The following NKAIN3 variants were observed in gnomAD, a reference collection of about 807,000 sequenced individuals.
NKAIN3 encodes the protein sodium/potassium transporting ATPase interacting 3.
A neutral mutation model predicts 30.2 loss-of-function variants in NKAIN3; 25 were observed. The observed-to-expected ratio is 0.83, with a 90% CI of 0.60 to 1.16. NKAIN3 has a LOEUF of 1.16. Among genes scored for constraint, NKAIN3 ranks in the 50% most tolerant of loss-of-function variants. NKAIN3 has a pLI of 0.00. For synonymous variants in NKAIN3, 91 were observed against 89.6 expected, an observed-to-expected ratio of 1.02 and a Z score of -0.09; for missense variants, 225 against 254.1, an observed-to-expected ratio of 0.89 and a Z score of 0.78.
At chr8:62,988,941 A>G (rs1398105346), downstream of NKAIN3, among the ~76,000 whole-genome samples, 1 of 152,140 alleles carries the variant, frequency 6.6e-6, no homozygotes, top group Non-Finnish European at 1.5e-5. Context: ...CAGATATGCT[A>G]AATCATCTCT....
At chr8:62,631,237 A>G (rs959099122) in intron 3 of NKAIN3, among the ~76,000 whole-genome samples, 1 of 152,068 alleles carries the variant, frequency 6.6e-6, no homozygotes, top group African/African-American at 2.4e-5. Context: ...TGACTTCCAC[A>G]CCAGTGTTTC....
chr8:62,620,444 G>A (rs1169183358), intron 3 of NKAIN3, among the ~76,000 whole-genome samples: 1 of 151,990 alleles, frequency 6.6e-6, no homozygotes, highest in Non-Finnish European at 1.5e-5. Context: ...GCCATATTTG[G>A]GGGTAGTGTG....
At chr8:62,619,344 A>G (rs762862767) in intron 3 of NKAIN3, among the ~76,000 whole-genome samples, 2 of 152,210 alleles carry the variant, frequency 1.3e-5, no homozygotes, top group Non-Finnish European at 2.9e-5. Flanking sequence ...ATTCTCTCTG[A>G]AGCCTGTTAC....
intron 4 of NKAIN3, among the ~76,000 whole-genome samples, chr8:62,895,020 AAAGTAGGTTTTAAGGTTTT>A (rs1433976178): frequency 2.0e-5 from 3 of 152,224 alleles, no homozygotes; most frequent in African/African-American, 7.2e-5. Flanking sequence ...GCTTAAGCCT[AAAGTAGGTTTTAAGGTTTT>A]AAGTAGGTTT....
intron 1 of NKAIN3, among the ~76,000 whole-genome samples, chr8:62,425,743 G>T (rs1159944146): frequency 6.6e-6 from 1 of 151,898 alleles, no homozygotes; most frequent in Non-Finnish European, 1.5e-5. Context: ...TGATGCAGTG[G>T]TTATCTTAGA....
chr8:62,418,445 C>T (rs758260876), intron 1 of NKAIN3, among the ~76,000 whole-genome samples: 1 of 152,136 alleles, frequency 6.6e-6, no homozygotes, highest in African/African-American at 2.4e-5. Flanking sequence ...TAGCCAGCTG[C>T]ACCCCCTGAA....
chr8:62,893,823 G>C (rs573400498), intron 4 of NKAIN3, among the ~76,000 whole-genome samples: 3 of 152,202 alleles, frequency 2.0e-5, no homozygotes, highest in Non-Finnish European at 4.4e-5. Flanking sequence ...CATCACAGTA[G>C]AATGTTTTCC....
At position 62,645,072 on chromosome 8, in the gene NKAIN3, G is replaced by A. The variant is rs75853367; in HGVS notation, c.273+55278G>A. Among the ~76,000 whole-genome samples, 191 of 152,196 alleles carry A rather than the reference G, an allele frequency of 1.3e-3. 3 individuals are homozygous for A. The East Asian group carries it at 0.03, about 24-fold the overall frequency. On this transcript the variant is annotated intron_variant, in intron 3 of 6. Transcript: ENST00000623646. The stretch of plus-strand genomic sequence containing the variant: ...GGTTATCTGTCACCTAAGTCAAATC[G>A]CAGTGGTCTCTTGATGATCTGATTC...
chr8:62,269,473 C>T (rs1272640297), intron 1 of NKAIN3, among the ~76,000 whole-genome samples: 2 of 152,024 alleles, frequency 1.3e-5, no homozygotes, highest in Non-Finnish European at 2.9e-5. Flanking sequence ...ATTTTTTTTA[C>T]TCCACTGCTG....
At chr8:62,352,693 A>G (rs1395782181) in intron 1 of NKAIN3, among the ~76,000 whole-genome samples, 2 of 152,164 alleles carry the variant, frequency 1.3e-5, no homozygotes, top group Admixed American at 6.5e-5. Context: ...TTTATCTCAC[A>G]TTGTTTGAAC....
At chr8:62,908,367 C>T in intron 4 of NKAIN3, among the ~76,000 whole-genome samples, 1 of 152,104 alleles carries the variant, frequency 6.6e-6, no homozygotes, top group East Asian at 1.9e-4. Flanking sequence ...TGAGTTAATG[C>T]TGAAATGTGT....
At chr8:62,566,555 A>T (rs949898889) in intron 1 of NKAIN3, among the ~76,000 whole-genome samples, 3 of 152,136 alleles carry the variant, frequency 2.0e-5, no homozygotes, top group Admixed American at 1.3e-4. Context: ...AAGTATTTTT[A>T]AAAATGTTTT....
chr8:62,384,141 T>C (rs1489553353), intron 1 of NKAIN3, among the ~76,000 whole-genome samples: 2 of 152,324 alleles, frequency 1.3e-5, no homozygotes, highest in Non-Finnish European at 2.9e-5. Flanking sequence ...ACATCACTTT[T>C]TACTGTGATA....
chr8:62,447,144 A>G (rs1257585300), intron 1 of NKAIN3, among the ~76,000 whole-genome samples: 1 of 152,066 alleles, frequency 6.6e-6, no homozygotes, highest in Admixed American at 6.6e-5. Flanking sequence ...TAATATGACT[A>G]ATATTTACCT....
At chr8:62,741,361 AAGAAG>A (rs1815868911) in intron 3 of NKAIN3, among the ~76,000 whole-genome samples, 2 of 118,130 alleles carry the variant, frequency 1.7e-5, no homozygotes, top group Non-Finnish European at 3.5e-5. Flanking sequence ...AAGAGAGAGA[AAGAAG>A]GAAGGAAGGA....
chr8:62,405,928 C>T (rs1005441530), intron 1 of NKAIN3, among the ~76,000 whole-genome samples: 2 of 152,168 alleles, frequency 1.3e-5, no homozygotes, highest in Non-Finnish European at 2.9e-5. Context: ...TAATAATTTA[C>T]ACCATACAAG....
chr8:62,316,504 C>T (rs1438950313), intron 1 of NKAIN3, among the ~76,000 whole-genome samples: 4 of 151,924 alleles, frequency 2.6e-5, no homozygotes, highest in African/African-American at 9.7e-5. Context: ...GTTCAATTCC[C>T]ACCTATAAGT....
At chr8:62,251,755 C>T (rs532370947) in intron 1 of NKAIN3, among the ~76,000 whole-genome samples, 118 of 152,136 alleles carry the variant, frequency 7.8e-4, no homozygotes, top group African/African-American at 2.5e-3. Context: ...AGTAAGCAAC[C>T]GCTGATTTGT....
chr8:62,985,699 T>C (rs1325526044), downstream of NKAIN3, among the ~76,000 whole-genome samples: 1 of 151,582 alleles, frequency 6.6e-6, no homozygotes, highest in Non-Finnish European at 1.5e-5. Flanking sequence ...CCAAAAACAG[T>C]GAGTGAATTT....
Sources: gnomAD v4.1 joint callset for allele counts (sites outside exome capture counted in the v4.1 genomes callset) on GRCh38, gnomAD v4.1.1 for gene constraint, MANE v1.5 for transcripts, NCBI Gene and HGNC (gene_info 2026-07-23, HGNC 2026-07-21) for gene names.